Variants in ATP9A observed in about 807,000 individuals in gnomAD.
ATP9A encodes probable phospholipid-transporting ATPase IIA.
A neutral mutation model predicts 144.1 loss-of-function variants in ATP9A; 52 were observed. The observed-to-expected ratio is 0.36, with a 90% CI of 0.29 to 0.45. The LOEUF is 0.45. ATP9A is among the 20% of genes least tolerant of loss of function. The probability of loss-of-function intolerance (pLI) is 1.00; values close to 1 mark genes in which losing one functional copy is unlikely to be tolerated. For missense variants in ATP9A, 947 were observed against 1,392.7 expected, an observed-to-expected ratio of 0.68 and a Z score of 5.09; for synonymous variants, 582 against 557.4, an observed-to-expected ratio of 1.04 and a Z score of -0.62.
At chr20:51,636,695 C>G (rs779929114) in intron 15 of ATP9A, among the ~76,000 whole-genome samples, 26 of 147,980 alleles carry the variant, frequency 1.8e-4, no homozygotes, top group African/African-American at 6.7e-4. Flanking sequence ...GGTTTCTGAG[C>G]CTCCTTCCAC....
At chr20:51,666,441 G>A (rs912057104) in intron 13 of ATP9A, among the ~76,000 whole-genome samples, 3 of 152,136 alleles carry the variant, frequency 2.0e-5, no homozygotes, top group Admixed American at 6.6e-5. Context: ...AGCACTTTGG[G>A]AAGCCAAGGC....
intron 1 of ATP9A, 50 bp downstream of exon 1, chr20:51,768,252 G>C (rs1336683333): frequency 5.9e-6 from 7 of 1,181,582 alleles, no homozygotes; most frequent in Admixed American, 4.3e-5. Context: ...CCCGAGCGCC[G>C]GGCTCCGGGA....
At chr20:51,755,528 A>C (rs186347901) in intron 1 of ATP9A, among the ~76,000 whole-genome samples, 1 of 152,360 alleles carries the variant, frequency 6.6e-6, no homozygotes, top group East Asian at 1.9e-4. Context: ...GTTGATGAGG[A>C]CATGGAACAA....
At position 51,762,176 on chromosome 20, in the gene ATP9A, C is replaced by T. The variant is rs539289495; in HGVS notation, c.68+6126G>A. On this transcript the variant is annotated intron_variant, in intron 1 of 27. Coordinates refer to ENST00000338821, the MANE Select transcript of ATP9A (RefSeq NM_006045.3). The stretch of plus-strand genomic sequence containing the variant: ...GGTCAGGAGTTCAAGGCCAGCTTGG[C>T]CAATACGGTGAAGCCCCGTCTCTAC... Among the ~76,000 whole-genome samples the T allele has an allele frequency of 2.6e-5, 4 of 152,172 alleles. No individual in the cohort carries two copies. The South Asian group carries it at 8.3e-4, about 32-fold the overall frequency.
At position 51,604,846 on chromosome 20, in the gene ATP9A, G is replaced by T; in HGVS notation, c.2978C>A (p.Ala993Asp). The T allele has an allele frequency of 6.5e-7, 1 of 1,544,890 alleles. No homozygotes were observed. The change falls in exon 27 of 28, where the codon GCC becomes GAC. Residue 993 changes from alanine to aspartate, a missense_variant. Physicochemically the swap from Ala to Asp is moderately radical, Grantham distance 126. This residue lies in a region of ATP9A where 177 missense variants were observed against 344.9 expected (regional missense o/e 0.51). Transcript: ENST00000338821. ...AELLSLACYIASLVFLHEFID... is the reference protein window; with the variant it reads ...AELLSLACYIDSLVFLHEFID... The stretch of plus-strand genomic sequence containing the variant: ...GAACTCGTGTAAGAACACCAGGGAG[G>T]CGATGTAGCAGGCCAGGCTGAGCAG...
At chr20:51,678,663 A>G (rs923450612) in intron 9 of ATP9A, among the ~76,000 whole-genome samples, 4 of 152,260 alleles carry the variant, frequency 2.6e-5, no homozygotes, top group Non-Finnish European at 4.4e-5. Flanking sequence ...GCCCGGGCTG[A>G]GCTTGGAATG....
intron 4 of ATP9A, among the ~76,000 whole-genome samples, chr20:51,707,203 T>G (rs974108948): frequency 2.0e-5 from 3 of 152,166 alleles, no homozygotes; most frequent in African/African-American, 7.2e-5. Context: ...GTTGCCATCT[T>G]GAGATTCTTA....
intron 1 of ATP9A, among the ~76,000 whole-genome samples, chr20:51,753,359 G>A (rs2077840933): frequency 6.6e-6 from 1 of 152,084 alleles, no homozygotes; most frequent in Admixed American, 6.6e-5. Context: ...GCGGAGGCAG[G>A]AGAATCACTT....
intron 1 of ATP9A, among the ~76,000 whole-genome samples, chr20:51,738,442 G>T (rs980194016): frequency 6.6e-6 from 1 of 152,026 alleles, no homozygotes; most frequent in Admixed American, 6.6e-5. Context: ...AGTGACTCAC[G>T]CCTGTAATCC....
rs376404696 is a variant in ATP9A, at chr20:51,619,334, C to T, written c.2116-291G>A. Among the ~76,000 whole-genome samples the T allele has an allele frequency of 2.7e-3, 403 of 152,070 alleles. 1 individual carries two copies. The highest frequency in any genetic ancestry group is 8.0e-3 in the African/African-American group (334 of 41,492). On this transcript the variant is annotated intron_variant, in intron 19 of 27. Transcript: ENST00000338821. ...ATCCCAGCACTTTGGGAGGCTGAGG[C>T]GGGCAGATCACTTGAAGTCAGGAGT... is the stretch of plus-strand genomic sequence containing the variant.
chr20:51,730,631 C>T (rs561216366), intron 1 of ATP9A, among the ~76,000 whole-genome samples: 79 of 152,224 alleles, frequency 5.2e-4, no homozygotes, highest in South Asian at 1.0e-3. Context: ...GCTGCCATCA[C>T]CTGCTATGCA....
At chr20:51,627,312 G>A (rs1204128238) in intron 17 of ATP9A, among the ~76,000 whole-genome samples, 1 of 152,196 alleles carries the variant, frequency 6.6e-6, no homozygotes, top group African/African-American at 2.4e-5. Flanking sequence ...TGGTATGATG[G>A]ATGGAAAGTG....
chr20:51,681,961 A>G (rs2077501754), intron 9 of ATP9A, among the ~76,000 whole-genome samples: 1 of 152,088 alleles, frequency 6.6e-6, no homozygotes, highest in South Asian at 2.1e-4. Flanking sequence ...GGTGGTGGTT[A>G]CCCTTGGGCA....
In ATP9A at chr20:51,768,290, A is replaced by G; in HGVS notation, c.68+12T>C. The G allele has an allele frequency of 1.6e-6, 2 of 1,279,644 alleles. No individual in the cohort carries two copies. Among genetic ancestry groups the G allele is most frequent in the Non-Finnish European group, 2.0e-6 (2 of 1,004,686 alleles). The allele number at this position is 1,279,644 out of a possible 1,614,324, so 79.3% of individuals were successfully genotyped here. A position where few individuals can be genotyped will look rare whatever the true frequency, so the allele number is the denominator to read the frequency against. On this transcript the variant is annotated intron_variant, in intron 1 of 27. Coordinates refer to ENST00000338821, the MANE Select transcript of ATP9A (RefSeq NM_006045.3). ...CGCGGACAAAGGAAAACACGGGCCC[A>G]GGCCCACTCACCCGGCGCGGGGCCT...
intron 14 of ATP9A, among the ~76,000 whole-genome samples, chr20:51,642,871 C>G (rs1198743255): frequency 6.6e-6 from 1 of 151,866 alleles, no homozygotes; most frequent in Non-Finnish European, 1.5e-5. Flanking sequence ...TTCTCTGGAA[C>G]CCCTGGATGT....
chr20:51,671,779 A>C (rs895822374), intron 11 of ATP9A, among the ~76,000 whole-genome samples: 3 of 150,592 alleles, frequency 2.0e-5, no homozygotes, highest in South Asian at 2.1e-4. Context: ...CCAGCACTCT[A>C]CTTACATTTC....
At chr20:51,645,532 CAAACAAACAAAAAA>C (rs2077338679) in intron 14 of ATP9A, among the ~76,000 whole-genome samples, 1 of 115,238 alleles carries the variant, frequency 8.7e-6, no homozygotes, top group Non-Finnish European at 2.0e-5. Context: ...CAAACAAAAA[CAAACAAACAAAAAA>C]AAAACAAGAA....
Position 51,689,115 on chromosome 20 carries a change from C to T in ATP9A, c.748G>A (p.Glu250Lys). The T allele has an allele frequency of 6.2e-7, 1 of 1,614,084 alleles. No homozygotes were observed. Among genetic ancestry groups the T allele is most frequent in the Non-Finnish European group, 8.5e-7 (1 of 1,180,012 alleles). The part of the protein sequence containing the change: ...TREDSDPPIS[E>K]SLSIENTLWA... ...AGCGTGTTCTCTATGCTCAGGCTCT[C>T]GCTGATCGGGGGGTCGCTGTCTTCC... Residue 250 changes from glutamate (E) to lysine (K), a missense_variant, in exon 9 of 28, where the codon GAG becomes AAG. By Grantham distance (56) the Glu-to-Lys change is moderately conservative. Coordinates refer to ENST00000338821, the MANE Select transcript of ATP9A (RefSeq NM_006045.3).
intron 1 of ATP9A, among the ~76,000 whole-genome samples, chr20:51,754,123 C>T (rs76540873): frequency 0.023 from 3,464 of 152,240 alleles, 50 homozygotes; most frequent in East Asian, 0.062. Flanking sequence ...CACAGGAGGA[C>T]AGACCACCCT....
Sources: allele counts gnomAD v4.1 joint callset (sites outside exome capture counted in the v4.1 genomes callset), GRCh38; gene constraint gnomAD v4.1.1; regional missense constraint gnomAD v4.1.1; transcripts MANE v1.5; gene names NCBI Gene and HGNC (gene_info 2026-07-23, HGNC 2026-07-21).